PER3: variants seen among roughly 807,000 people sequenced by gnomAD.
The protein encoded by PER3 is period circadian regulator 3.
In PER3, 107 loss-of-function variants were observed where a neutral mutation model predicts 127.2. The ratio of observed to expected loss-of-function variants is 0.84; its 90% CI spans 0.72 to 0.99. PER3 has a LOEUF of 0.99. Ranked by LOEUF, PER3 falls within the 50% of genes least tolerant of loss-of-function variation. The probability of loss-of-function intolerance (pLI) is 0.00; values close to 1 mark genes in which losing one functional copy is unlikely to be tolerated. For missense variants in PER3, 1,560 were observed against 1,525.8 expected (o/e 1.02, Z -0.37); for synonymous variants, 618 against 585.8 (o/e 1.05, Z -0.79).
rs2097078909 is a variant in PER3 at position 7,784,994 on chromosome 1, C to T, written c.117C>T (p.Asp39=). The T allele has an allele frequency of 1.3e-6, 2 of 1,567,726 alleles. No homozygotes were observed. Among genetic ancestry groups the T allele is most frequent in the Non-Finnish European group, 1.7e-6 (2 of 1,164,006 alleles). The change falls in exon 2 of 22, where the codon GAC becomes GAT. Residue 39 remains aspartate (D), a synonymous_variant. Coordinates refer to ENST00000377532, the MANE Select transcript of PER3 (RefSeq NM_001377275.1). ...PEFHLQRKLA[D]SSHSEQQDRN... is the part of the protein sequence containing the mutation. ...TCCATCTGCAGAGGAAATTGGCGGA[C>T]AGCAGCCACAGGTGACGCGCTGGCT...
intron 13 of PER3, among the ~76,000 whole-genome samples, chr1:7,818,480 C>A (rs563475388): frequency 2.0e-4 from 31 of 152,286 alleles, no homozygotes; most frequent in African/African-American, 7.5e-4. Context: ...TTAGTTACTC[C>A]TTCCTTAAGA....
At chr1:7,816,645 G>C (rs1367267267) in intron 13 of PER3, among the ~76,000 whole-genome samples, 3 of 149,078 alleles carry the variant, frequency 2.0e-5, no homozygotes, top group Non-Finnish European at 4.4e-5. Context: ...ACATCTGTGA[G>C]AATGGCTAAG....
rs2097268937 is a variant in PER3, at chr1:7,820,101, T to C, written c.1659-14T>C. 1 of 1,611,712 alleles carries C rather than the reference T, an allele frequency of 6.2e-7. No individual in the cohort carries two copies. The highest frequency in any genetic ancestry group is 2.2e-5 in the East Asian group (1 of 44,856). ...GAACAGGTAAGAATGTGTGGCCTAATTATGTTGTTACAGATACCTGAAGAG... is the reference window on the plus strand; with the variant it reads ...GAACAGGTAAGAATGTGTGGCCTAACTATGTTGTTACAGATACCTGAAGAG... On this transcript the variant is annotated splice_polypyrimidine_tract_variant and intron_variant, in intron 14 of 21. Transcript: ENST00000377532.
chr1:7,829,744 C>G (rs228701), intron 18 of PER3, 90 bp from the exon 19 acceptor site: 732,640 of 1,107,960 alleles, frequency 0.66, 244,581 homozygotes, highest in East Asian at 0.84. Context: ...GTAACTGAAA[C>G]TACAGAAAGC....
In PER3 at chr1:7,824,396, A is replaced by G. The variant is rs890086907; in HGVS notation, c.1958-2084A>G. On this transcript the variant is annotated intron_variant, in intron 16 of 21. Coordinates refer to ENST00000377532, the MANE Select transcript of PER3 (RefSeq NM_001377275.1). ...AGTACAGAGTGGTCTTGGTTCATGT[A>G]GCTGTACAGTAAGTCTTGAAATCAG... 2.0e-5 allele frequency among the ~76,000 whole-genome samples: 3 copies of G among 152,228 alleles called. No individual in the cohort carries two copies. The East Asian group carries it at 5.8e-4, about 29-fold the overall frequency.
At position 7,827,649 on chromosome 1, in the gene PER3, G is replaced by A. The variant is rs773520291; in HGVS notation, c.2720G>A (p.Ser907Asn). Reference protein sequence around the residue: ...PTLDPPPSVTSQRREEEKWEA... With the variant: ...PTLDPPPSVTNQRREEEKWEA... The stretch of plus-strand genomic sequence containing the variant: ...CTGGACCCACCCCCTTCAGTCACCA[G>A]CCAAAGGAGAGAGGAGGAAAAGTGG... The change falls in exon 18 of 22, where the codon AGC (serine) becomes AAC (asparagine). Residue 907 changes from serine (S) to asparagine (N), a missense_variant. By Grantham distance (46) the Ser-to-Asn change is conservative. Around this residue, in one of 3 missense-constraint regions of PER3, gnomAD observed 1,332 missense variants for 1,223.6 expected, o/e 1.09. Transcript: ENST00000377532. The A allele has an allele frequency of 1.2e-6, 2 of 1,614,206 alleles. No individual in the cohort carries two copies. The highest frequency in any genetic ancestry group is 8.5e-7 in the Non-Finnish European group (1 of 1,180,042).
At chr1:7,787,364 T>G in intron 4 of PER3, 1 of 295,046 alleles carries the variant, frequency 3.4e-6, no homozygotes, top group Non-Finnish European at 6.7e-6. Context: ...ACGGTGGAGA[T>G]TACTTATTTT....
At chr1:7,806,964 C>A (rs1340498668) in intron 10 of PER3, among the ~76,000 whole-genome samples, 1 of 151,758 alleles carries the variant, frequency 6.6e-6, no homozygotes, top group African/African-American at 2.4e-5. Context: ...CCAAATACCT[C>A]TGAAAGGTTT....
chr1:7,817,997 A>G (rs1283988233), intron 13 of PER3, among the ~76,000 whole-genome samples: 3 of 152,208 alleles, frequency 2.0e-5, no homozygotes, highest in Admixed American at 6.5e-5. Context: ...ATGATGCACA[A>G]GGAAGGACAC....
rs149565827 is a variant in PER3 at position 7,826,481 on chromosome 1, C to T, written c.1959C>T (p.Ala653=). 8 of 1,585,610 alleles carry T rather than the reference C, an allele frequency of 5.0e-6. No homozygotes were observed. The highest frequency in any genetic ancestry group is 6.9e-6 in the Non-Finnish European group (8 of 1,154,382). The change falls in exon 17 of 22, where the codon GCC becomes GCT. Residue 653 remains alanine, a splice_region_variant and synonymous_variant. Coordinates refer to ENST00000377532, the MANE Select transcript of PER3 (RefSeq NM_001377275.1). This position sits in a 1 kb window ranked among gnomAD's most constrained non-coding sequence, Gnocchi z 4.2. ...TAAATATGTCTTCTTCCACCTCAGC[C>T]AGGGATGCTACCCTCTTCTGTGAGC... ...TIVHVPPPET[A]RDATLFCEPW...
chr1:7,832,615 C>T (rs953256609), intron 19 of PER3, among the ~76,000 whole-genome samples: 3 of 151,916 alleles, frequency 2.0e-5, no homozygotes, highest in Admixed American at 6.6e-5. Flanking sequence ...TCTCATGATT[C>T]GCCCGCCTTG....
At chr1:7,824,759 A>G (rs546588170) in intron 16 of PER3, among the ~76,000 whole-genome samples, 3 of 152,214 alleles carry the variant, frequency 2.0e-5, no homozygotes, top group Non-Finnish European at 4.4e-5. Context: ...CCTCTGCTAC[A>G]AAGGCGAGAC....
intron 4 of PER3, chr1:7,787,603 GTTTCA>G (rs949782045): frequency 1.3e-5 from 4 of 307,330 alleles, no homozygotes; most frequent in African/African-American, 8.9e-5. Flanking sequence ...TTATAAATAA[GTTTCA>G]TTTATGTGTA....
chr1:7,805,194 A>G (rs2097187655), intron 10 of PER3, among the ~76,000 whole-genome samples: 1 of 152,284 alleles, frequency 6.6e-6, no homozygotes, highest in Admixed American at 6.5e-5. Flanking sequence ...ATTGAACTCT[A>G]GGCCTTTTGA....
intron 13 of PER3, among the ~76,000 whole-genome samples, chr1:7,815,100 C>T (rs1276262153): frequency 6.6e-6 from 1 of 152,052 alleles, no homozygotes; most frequent in Non-Finnish European, 1.5e-5. Context: ...CCAGCCTGGG[C>T]AACGTAGCCA....
intron 4 of PER3, 43 bp from the exon 5 acceptor site, chr1:7,788,002 T>C (rs1366706986): frequency 2.2e-6 from 3 of 1,361,118 alleles, no homozygotes; most frequent in Non-Finnish European, 3.2e-6. Context: ...ATATTGCTAG[T>C]GAGTATCTCA....
chr1:7,806,812 A>AAAATATATAT (rs61141023), intron 10 of PER3, among the ~76,000 whole-genome samples: 15 of 60,626 alleles, frequency 2.5e-4, no homozygotes, highest in African/African-American at 1.0e-3. Context: ...AAAAAAAAAA[A>AAAATATATAT]ATATATATAT....
Position 7,832,863 on chromosome 1 carries a change from A to G in PER3, c.3214+2702A>G, listed in dbSNP as rs560786599. Among the ~76,000 whole-genome samples, 120 of 145,852 alleles carry G rather than the reference A, an allele frequency of 8.2e-4. 1 individual carries two copies. Among genetic ancestry groups the G allele is most frequent in the African/African-American group, 2.9e-3 (113 of 39,542 alleles). On this transcript the variant is annotated intron_variant, in intron 19 of 21. Coordinates refer to ENST00000377532, the MANE Select transcript of PER3 (RefSeq NM_001377275.1). ...TTTTTTTTTTTTTTTTTTGGAACCA[A>G]GGTCTCACTCTGTTGCCCAGGCTGG... is the stretch of plus-strand genomic sequence containing the variant.
At chr1:7,810,412 CAT>C (rs774363189) in intron 12 of PER3, 24 bp from the exon 13 acceptor site, 23 of 1,524,788 alleles carry the variant, frequency 1.5e-5, no homozygotes, top group Non-Finnish European at 1.8e-5. Flanking sequence ...ATTTTTGAAA[CAT>C]ATTTTATCAT....
Sources: allele counts gnomAD v4.1 joint callset (sites outside exome capture counted in the v4.1 genomes callset), GRCh38; gene constraint gnomAD v4.1.1; regional missense constraint gnomAD v4.1.1; non-coding constraint Gnocchi (gnomAD v3.1); transcripts MANE v1.5; gene names NCBI Gene and HGNC (gene_info 2026-07-23, HGNC 2026-07-21).